The following CSF2RA variants were observed in gnomAD, a reference collection of about 807,000 sequenced individuals.
CSF2RA encodes granulocyte-macrophage colony-stimulating factor receptor subunit alpha.
A neutral mutation model predicts 51.6 loss-of-function variants in CSF2RA; 42 were observed. That is an observed-to-expected ratio of 0.81 (90% CI 0.64 to 1.05). The LOEUF (loss-of-function observed/expected upper bound fraction) is 1.05, where lower values mean the gene tolerates loss of function less well. Among genes scored for constraint, CSF2RA ranks in the 50% least tolerant of loss-of-function variants. The pLI is 0.00. For synonymous variants in CSF2RA, 222 were observed against 193.0 expected (o/e 1.15, Z -1.24); for missense variants, 530 against 501.1 (o/e 1.06, Z -0.55).
At chrX:1,314,934 A>G (rs1357547872), downstream of CSF2RA, among the ~76,000 whole-genome samples, 26 of 82,672 alleles carry the variant, frequency 3.1e-4, 3 homozygotes, top group East Asian at 5.0e-3. Context: ...ACCGCACTGC[A>G]CTTGCCCAAC....
downstream of CSF2RA, among the ~76,000 whole-genome samples, chrX:1,313,678 C>G (rs1304176174): frequency 6.6e-6 from 1 of 151,800 alleles, no homozygotes; most frequent in African/African-American, 2.4e-5. Flanking sequence ...CGCCATTGCA[C>G]TCCAATCTGG....
intron 1 of CSF2RA, among the ~76,000 whole-genome samples, chrX:1,273,766 TA>T (rs1170144427): frequency 1.5e-4 from 6 of 39,278 alleles, no homozygotes; most frequent in African/African-American, 2.2e-4. Flanking sequence ...TTTTTTTTTG[TA>T]TTTTTTTTTT....
intron 12 of CSF2RA, chrX:1,305,995 CG>C: frequency 1.8e-6 from 1 of 549,698 alleles, no homozygotes; most frequent in Non-Finnish European, 3.3e-6. Flanking sequence ...GGCAGTAGAA[CG>C]GCTTGAACCC....
chrX:1,324,323 G>T, the CSF2RA span, among the ~76,000 whole-genome samples: 3 of 142,764 alleles, frequency 2.1e-5, no homozygotes, highest in African/African-American at 5.5e-5. Context: ...GCAAGATCCT[G>T]TCTCTAAGAA....
At chrX:1,284,272 C>T (rs1374134592) in intron 3 of CSF2RA, among the ~76,000 whole-genome samples, 4 of 143,382 alleles carry the variant, frequency 2.8e-5, no homozygotes, top group African/African-American at 1.1e-4. Flanking sequence ...GGCGTGATCT[C>T]GGCTCACTGC....
At chrX:1,307,271 C>G (rs1219671071) in intron 12 of CSF2RA, among the ~76,000 whole-genome samples, 1 of 152,164 alleles carries the variant, frequency 6.6e-6, no homozygotes, top group African/African-American at 2.4e-5. Flanking sequence ...AGCTTTTATC[C>G]TTTAGACGTT....
rs1209150924 is a variant in CSF2RA at position 1,277,488 on chromosome X, C to T, written c.-27+2670C>T. Among the ~76,000 whole-genome samples the T allele has an allele frequency of 1.6e-3, 231 of 141,942 alleles. 1 individual carries two copies. Among genetic ancestry groups the T allele is most frequent in the Non-Finnish European group, 2.3e-3 (153 of 66,228 alleles). The allele number at this position is 141,942 out of a possible 152,430, so 93.1% of individuals were successfully genotyped here. A position where few individuals can be genotyped will look rare whatever the true frequency, so the allele number is the denominator to read the frequency against. On this transcript the variant is annotated intron_variant, in intron 2 of 12. Transcript: ENST00000381529. ...GTGCGTGCCTGTAGTCCCAGCTACT[C>T]GGGAGACAGAGGCAAGAGAATGGCG...
intron 11 of CSF2RA, 33 bp downstream of exon 11, chrX:1,304,052 A>G (rs1352526683): frequency 1.3e-6 from 2 of 1,534,682 alleles, no homozygotes; most frequent in Non-Finnish European, 1.8e-6. Context: ...CTCCCCAATG[A>G]AAACAGGCCA....
At chrX:1,300,258 C>A (rs2092281383) in intron 9 of CSF2RA, 4 of 542,716 alleles carry the variant, frequency 7.4e-6, no homozygotes, top group African/African-American at 3.8e-5. Context: ...AAGCTTAAAG[C>A]CTACATCACC....
rs199863442 is a variant in CSF2RA, at chrX:1,300,482, C to T, written c.811-9C>T. The T allele has an allele frequency of 1.7e-5, 28 of 1,613,686 alleles. No individual in the cohort carries two copies. The highest frequency in any genetic ancestry group is 2.3e-5 in the Non-Finnish European group (27 of 1,179,820). On this transcript the variant is annotated splice_polypyrimidine_tract_variant and intron_variant, in intron 9 of 12. Coordinates refer to ENST00000381529, the MANE Select transcript of CSF2RA (RefSeq NM_172245.4). ...ACGCCTATCTCTAACTTTCTTTTTTCCTCCAAAGATTAATGTTTCTGGTGA... is the reference window on the plus strand; with the variant it reads ...ACGCCTATCTCTAACTTTCTTTTTTTCTCCAAAGATTAATGTTTCTGGTGA...
chrX:1,300,773 G>T (rs1194524630), intron 10 of CSF2RA, 147 bp downstream of exon 10: 4 of 1,066,554 alleles, frequency 3.8e-6, no homozygotes, highest in South Asian at 2.6e-5. Flanking sequence ...TATCGCTGAG[G>T]CTCAAAAGAA....
At chrX:1,290,917 G>A (rs1338120023) in intron 7 of CSF2RA, among the ~76,000 whole-genome samples, 3 of 152,006 alleles carry the variant, frequency 2.0e-5, no homozygotes, top group Admixed American at 2.0e-4. Flanking sequence ...TTAGAACTGA[G>A]CTGATTTAAC....
At chrX:1,276,433 G>A (rs1276395739) in intron 2 of CSF2RA, among the ~76,000 whole-genome samples, 3 of 151,980 alleles carry the variant, frequency 2.0e-5, no homozygotes, top group African/African-American at 7.2e-5. Context: ...GAGTGCAGTG[G>A]CATGATCTTG....
intron 7 of CSF2RA, among the ~76,000 whole-genome samples, chrX:1,292,841 T>C (rs1405625333): frequency 4.6e-5 from 7 of 152,056 alleles, no homozygotes; most frequent in Admixed American, 4.6e-4. Flanking sequence ...GCACAGACCC[T>C]TTATGGATGT....
rs1343497405 is a variant in CSF2RA, at chrX:1,308,464, T to C, written c.1126-938T>C. On this transcript the variant is annotated intron_variant, in intron 12 of 12. Coordinates refer to ENST00000381529, the MANE Select transcript of CSF2RA (RefSeq NM_172245.4). ...ACAGCAAGACCCCAGAGAGGGTGAC[T>C]AAGGGTGAGAGACTTGCGTGACCCA... Among the ~76,000 whole-genome samples, 13 of 151,960 alleles carry C rather than the reference T, an allele frequency of 8.6e-5. No homozygotes were observed. The South Asian group carries it at 1.0e-3, about 12-fold the overall frequency.
chrX:1,285,876 A>G lies in CSF2RA; in HGVS notation c.175A>G (p.Lys59Glu). Residue 59 changes from lysine to glutamate, a missense_variant, in exon 4 of 13, where the codon AAG becomes GAG. Lys to Glu is a moderately conservative substitution (Grantham distance 56). Coordinates refer to ENST00000381529, the MANE Select transcript of CSF2RA (RefSeq NM_172245.4). ...CTGCCAAGAAAACACAACCTTCAGCAAGTGTTTCTTAACTGACAAGAAGAA... is the reference window on the plus strand; with the variant it reads ...CTGCCAAGAAAACACAACCTTCAGCGAGTGTTTCTTAACTGACAAGAAGAA... ...WDCQENTTFS[K>E]CFLTDKKNRV... The G allele has an allele frequency of 6.2e-7, 1 of 1,613,970 alleles. No individual in the cohort carries two copies. Among genetic ancestry groups the G allele is most frequent in the Non-Finnish European group, 8.5e-7 (1 of 1,179,858 alleles).
chrX:1,300,557 A>G lies in CSF2RA; in HGVS notation c.877A>G (p.Ser293Gly). The G allele has an allele frequency of 6.2e-7, 1 of 1,613,932 alleles. No homozygotes were observed. The highest frequency in any genetic ancestry group is 8.5e-7 in the Non-Finnish European group (1 of 1,179,842). ...FPSSEPRAKH[S>G]VKIRAADVRI... is the part of the protein sequence containing the mutation. ...AAGCTCTGAGCCCAGAGCAAAACACAGTGTGAAGATCAGAGCTGCAGACGT... is the reference window on the plus strand; with the variant it reads ...AAGCTCTGAGCCCAGAGCAAAACACGGTGTGAAGATCAGAGCTGCAGACGT... The change falls in exon 10 of 13, where the codon AGT (serine) becomes GGT (glycine). Residue 293 changes from serine (S) to glycine (G), a missense_variant. Physicochemically the swap from Ser to Gly is moderately conservative, Grantham distance 56. Transcript: ENST00000381529.
At chrX:1,287,372 T>G (rs1261515523) in intron 4 of CSF2RA, among the ~76,000 whole-genome samples, 6 of 150,722 alleles carry the variant, frequency 4.0e-5, no homozygotes, top group Non-Finnish European at 8.9e-5. Context: ...CAGGCTGGTC[T>G]CCAACTCCTG....
At chrX:1,270,865 C>A (rs1301442441) in intron 1 of CSF2RA, among the ~76,000 whole-genome samples, 3 of 56,188 alleles carry the variant, frequency 5.3e-5, no homozygotes, top group African/African-American at 3.2e-4. Context: ...CAGGGTGAAA[C>A]CCCATCTCTA....
Sources: allele counts gnomAD v4.1 joint callset (sites outside exome capture counted in the v4.1 genomes callset), GRCh38; gene constraint gnomAD v4.1.1; transcripts MANE v1.5; gene names NCBI Gene and HGNC (gene_info 2026-07-23, HGNC 2026-07-21).